ADGRV1: variants seen among roughly 807,000 people sequenced by gnomAD.
ADGRV1 encodes adhesion G protein-coupled receptor V1.
Under a neutral mutation model 596.2 loss-of-function variants are expected in ADGRV1, and 359 were observed. The ratio of observed to expected loss-of-function variants is 0.60; its 90% confidence interval spans 0.55 to 0.66. ADGRV1 has a LOEUF of 0.66. Ranked by LOEUF, ADGRV1 falls within the 30% of genes least tolerant of loss-of-function variation. The pLI, the probability that ADGRV1 is intolerant of heterozygous loss-of-function variation, is 0.00. For missense variants in ADGRV1, 7,274 were observed against 7,575.6 expected (o/e 0.96, Z 1.48); for synonymous variants, 2,681 against 2,679.2 (o/e 1.00, Z -0.02).
chr5:90,571,316 A>G lies in ADGRV1; in HGVS notation c.22+12399A>G, dbSNP rs557419143. Among the ~76,000 whole-genome samples the G allele has an allele frequency of 2.2e-4, 33 of 152,112 alleles. 1 individual carries two copies. In the South Asian group the frequency reaches 6.8e-3, roughly 32 times the overall value. On this transcript the variant is annotated intron_variant, in intron 1 of 89. Coordinates refer to ENST00000405460, the MANE Select transcript of ADGRV1 (RefSeq NM_032119.4). ...AAATTTTCAACTCTGCCTAACCTTC[A>G]CTTCCTCTTTGCACACAGCCTCAAA... is the stretch of plus-strand genomic sequence containing the variant.
chr5:90,758,121 A>C (rs1050803317), intron 57 of ADGRV1, among the ~76,000 whole-genome samples: 2 of 152,212 alleles, frequency 1.3e-5, no homozygotes, highest in Admixed American at 1.3e-4. Context: ...TCACGAGGTC[A>C]GGAGATGGAG....
At chr5:90,974,053 T>C (rs550397627) in intron 84 of ADGRV1, among the ~76,000 whole-genome samples, 233 of 152,084 alleles carry the variant, frequency 1.5e-3, no homozygotes, top group African/African-American at 5.5e-3. Flanking sequence ...TATACACCAA[T>C]AACAGACAAA....
At chr5:90,747,032 A>G (rs189098641) in intron 52 of ADGRV1, among the ~76,000 whole-genome samples, 2 of 152,320 alleles carry the variant, frequency 1.3e-5, no homozygotes, top group East Asian at 3.9e-4. Context: ...AAGAAATGTT[A>G]GGCAAGGAAG....
At chr5:91,148,300 G>A (rs1051512838) in intron 87 of ADGRV1, among the ~76,000 whole-genome samples, 2 of 152,124 alleles carry the variant, frequency 1.3e-5, no homozygotes, top group Admixed American at 6.5e-5. Flanking sequence ...GACCTTCACC[G>A]CAGCCCCTCC....
At chr5:90,660,032 GA>G (rs992315361) in intron 21 of ADGRV1, among the ~76,000 whole-genome samples, 36 of 140,458 alleles carry the variant, frequency 2.6e-4, no homozygotes, top group East Asian at 6.1e-4. Flanking sequence ...CTGTCTCAGA[GA>G]AAAAAAAAAA....
rs757029909 is a variant in ADGRV1, at chr5:91,014,136, C to CCCCCCACACACACA, written c.18152+28615_18152+28616insCCCCACACACACAC. On this transcript the variant is annotated intron_variant, in intron 85 of 89. Coordinates refer to ENST00000405460, the MANE Select transcript of ADGRV1 (RefSeq NM_032119.4). Reference sequence around the variant, plus strand: ...TCATAGGCAATCCCATTCACAATTGCCACACACACACACACACACACACAC... The same window carrying CCCCCCACACACACA: ...TCATAGGCAATCCCATTCACAATTGCCCCCCACACACACACACACACACACACACACACACACAC... 3.9e-4 allele frequency among the ~76,000 whole-genome samples: 14 copies of CCCCCCACACACACA among 35,698 alleles called. No homozygotes were observed. The East Asian group carries it at 9.5e-3, about 24-fold the overall frequency. 23.4% of individuals were successfully genotyped at this position (35,698 alleles called of 152,430 possible). A position where few individuals can be genotyped will look rare whatever the true frequency, so the allele number is the denominator to read the frequency against.
chr5:90,760,241 G>A lies in ADGRV1; in HGVS notation c.12120+653G>A, dbSNP rs188585053. Reference sequence around the variant, plus strand: ...CAGTGAGCCGAGATCACGCCACTGCGCTCCAGCCTGGGCAACAGAGTGAGA... The same window carrying A: ...CAGTGAGCCGAGATCACGCCACTGCACTCCAGCCTGGGCAACAGAGTGAGA... On this transcript the variant is annotated intron_variant, in intron 58 of 89. Transcript: ENST00000405460. Among the ~76,000 whole-genome samples, 916 of 144,190 alleles carry A rather than the reference G, an allele frequency of 6.4e-3. 7 individuals carry two copies. Among genetic ancestry groups the A allele is most frequent in the Middle Eastern group, 0.023 (6 of 256 alleles). The allele number at this position is 144,190 out of a possible 152,430, so 94.6% of individuals were successfully genotyped here.
At chr5:90,738,704 C>T (rs143720404) in intron 50 of ADGRV1, among the ~76,000 whole-genome samples, 5 of 152,056 alleles carry the variant, frequency 3.3e-5, no homozygotes, top group African/African-American at 7.2e-5. Flanking sequence ...CCTTTGAATG[C>T]GACTATATTC....
chr5:91,032,084 G>T (rs553091939), intron 85 of ADGRV1, among the ~76,000 whole-genome samples: 1 of 152,196 alleles, frequency 6.6e-6, no homozygotes, highest in Non-Finnish European at 1.5e-5. Flanking sequence ...GATGAGATTT[G>T]AGCAAAGATT....
At chr5:91,100,333 A>G (rs879397133) in intron 86 of ADGRV1, among the ~76,000 whole-genome samples, 50 of 152,306 alleles carry the variant, frequency 3.3e-4, no homozygotes, top group Non-Finnish European at 6.5e-4. Flanking sequence ...GAGAGGTGGC[A>G]GGATGGCTTG....
rs112848326 is a variant in ADGRV1 at position 90,593,506 on chromosome 5, G to A, written c.23-21329G>A. ...GGGAGAAATACCTAATATAAACGAC[G>A]AGTTGATGGGTGCAGCAGACCAACA... On this transcript the variant is annotated intron_variant, in intron 1 of 89. Coordinates refer to ENST00000405460, the MANE Select transcript of ADGRV1 (RefSeq NM_032119.4). Among the ~76,000 whole-genome samples the A allele has an allele frequency of 8.7e-3, 1,323 of 152,224 alleles. 13 individuals are homozygous for A. The highest frequency in any genetic ancestry group is 0.024 in the Middle Eastern group (7 of 292).
chr5:90,624,010 A>G (rs1013800443), intron 5 of ADGRV1, among the ~76,000 whole-genome samples: 5 of 152,212 alleles, frequency 3.3e-5, no homozygotes, highest in African/African-American at 1.2e-4. Context: ...AGTATTAGCA[A>G]TTTCAGATAC....
intron 41 of ADGRV1, 47 bp from the exon 42 acceptor site, chr5:90,712,238 TCA>T (rs1286816297): frequency 9.5e-7 from 1 of 1,055,350 alleles, no homozygotes; most frequent in African/African-American, 1.6e-5. Flanking sequence ...CTATAGAAAC[TCA>T]CAGTGTATAT....
intron 85 of ADGRV1, among the ~76,000 whole-genome samples, chr5:91,068,967 G>A (rs1270159736): frequency 2.0e-5 from 3 of 151,794 alleles, no homozygotes; most frequent in Non-Finnish European, 4.4e-5. Context: ...GAATAAGTTA[G>A]AAAACCGAAA....
At chr5:90,941,841 A>G (rs1776189436) in intron 83 of ADGRV1, among the ~76,000 whole-genome samples, 4 of 152,228 alleles carry the variant, frequency 2.6e-5, no homozygotes, top group African/African-American at 9.6e-5. Context: ...ATATGTGATG[A>G]TACAATTGAT....
At chr5:90,998,095 A>T (rs1483431321) in intron 85 of ADGRV1, among the ~76,000 whole-genome samples, 1 of 152,180 alleles carries the variant, frequency 6.6e-6, no homozygotes, top group Non-Finnish European at 1.5e-5. Flanking sequence ...CATCATTTCC[A>T]TCCTTTTCTT....
intron 77 of ADGRV1, among the ~76,000 whole-genome samples, chr5:90,835,460 T>C (rs902165842): frequency 6.6e-6 from 1 of 152,208 alleles, no homozygotes; most frequent in Non-Finnish European, 1.5e-5. Flanking sequence ...AGGACTCTTG[T>C]GGTCACTGCC....
At chr5:91,014,056 T>C (rs1782952298) in intron 85 of ADGRV1, among the ~76,000 whole-genome samples, 1 of 151,660 alleles carries the variant, frequency 6.6e-6, no homozygotes, top group Non-Finnish European at 1.5e-5. Context: ...TTTTGTTCCG[T>C]TGGTCTATGT....
At chr5:90,649,282 G>A (rs1349022320) in intron 17 of ADGRV1, among the ~76,000 whole-genome samples, 1 of 152,048 alleles carries the variant, frequency 6.6e-6, no homozygotes, top group Admixed American at 6.5e-5. Flanking sequence ...GATTACAGGC[G>A]TGAAAAATGA....
Sources: gnomAD v4.1 joint callset for allele counts (sites outside exome capture counted in the v4.1 genomes callset) on GRCh38, gnomAD v4.1.1 for gene constraint, MANE v1.5 for transcripts, NCBI Gene and HGNC (gene_info 2026-07-23, HGNC 2026-07-21) for gene names.